Variants in NOX4 observed in about 807,000 individuals in gnomAD.
The protein encoded by NOX4 is NADPH oxidase 4, also known as kidney oxidase-1.
NOX4 carries 69 observed loss-of-function variants against 87.6 expected under a neutral mutation model. That is an observed-to-expected ratio of 0.79 (90% CI 0.65 to 0.96). The LOEUF is 0.96. NOX4 is among the 40% of genes least tolerant of loss of function. The pLI, the probability that NOX4 is intolerant of heterozygous loss-of-function variation, is 0.00. For synonymous variants in NOX4, 275 were observed against 238.2 expected (o/e 1.15, Z -1.42); for missense variants, 680 against 681.5 (o/e 1.00, Z 0.02).
chr11:89,345,570 C>T (rs1437617392), intron 13 of NOX4, among the ~76,000 whole-genome samples: 1 of 152,118 alleles, frequency 6.6e-6, no homozygotes, highest in Non-Finnish European at 1.5e-5. Context: ...GTAATTTTTT[C>T]AATCCCTGCA....
intron 2 of NOX4, among the ~76,000 whole-genome samples, chr11:89,461,866 AAG>A (rs1026465429): frequency 6.6e-6 from 1 of 152,054 alleles, no homozygotes; most frequent in Non-Finnish European, 1.5e-5. Flanking sequence ...CCCATCTGCC[AAG>A]AGAGAACATA....
At chr11:89,377,919 C>T (rs1182739313) in intron 11 of NOX4, among the ~76,000 whole-genome samples, 1 of 152,100 alleles carries the variant, frequency 6.6e-6, no homozygotes, top group African/African-American at 2.4e-5. Context: ...TCTAAAATTA[C>T]TATTATCCTA....
At chr11:89,386,700 T>G (rs532695318) in intron 11 of NOX4, among the ~76,000 whole-genome samples, 65 of 152,244 alleles carry the variant, frequency 4.3e-4, no homozygotes, top group Non-Finnish European at 8.1e-4. Context: ...TATTTTTAAA[T>G]GAAGAGTGTT....
Position 89,350,969 on chromosome 11 carries a change from T to C in NOX4, c.1217+3993A>G, listed in dbSNP as rs532475871. Among the ~76,000 whole-genome samples the C allele has an allele frequency of 2.0e-5, 3 of 152,230 alleles. No individual in the cohort carries two copies. In the South Asian group the frequency reaches 6.2e-4, roughly 32 times the overall value. The stretch of plus-strand genomic sequence containing the variant: ...GCATGTCTCTTACTTCAATCAAAAA[T>C]TGGACACGATTAAACTTAGTGAGGA... On this transcript the variant is annotated intron_variant, in intron 13 of 17. Transcript: ENST00000263317.
At chr11:89,589,363 T>G in the NOX4 span, 1 of 152,314 alleles carries the variant, frequency 6.6e-6, no homozygotes, top group African/African-American at 2.4e-5. Flanking sequence ...GCTGATCCAA[T>G]GATTGTTTTC....
intron 11 of NOX4, among the ~76,000 whole-genome samples, chr11:89,390,322 C>T (rs1415529197): frequency 1.3e-5 from 2 of 152,152 alleles, no homozygotes; most frequent in East Asian, 1.9e-4. Context: ...TACAAATGAG[C>T]GAGCTTGTAA....
intron 8 of NOX4, among the ~76,000 whole-genome samples, chr11:89,413,380 C>T (rs1459578645): frequency 1.3e-5 from 2 of 152,142 alleles, no homozygotes; most frequent in African/African-American, 2.4e-5. Flanking sequence ...CCTGCACTTG[C>T]ATGTTTATTG....
intron 11 of NOX4, among the ~76,000 whole-genome samples, chr11:89,382,370 T>C (rs1278023245): frequency 2.6e-5 from 4 of 152,112 alleles, no homozygotes; most frequent in Non-Finnish European, 5.9e-5. Flanking sequence ...TCGACAATAG[T>C]TCCAAATAGC....
At chr11:89,397,593 A>G (rs1941575430) in intron 11 of NOX4, among the ~76,000 whole-genome samples, 3 of 152,142 alleles carry the variant, frequency 2.0e-5, no homozygotes, top group Admixed American at 2.0e-4. Flanking sequence ...AAGAAAAGAG[A>G]GAAGAATCAA....
intron 2 of NOX4, among the ~76,000 whole-genome samples, chr11:89,459,479 A>T (rs908321128): frequency 6.6e-6 from 1 of 152,320 alleles, no homozygotes; most frequent in Admixed American, 6.5e-5. Flanking sequence ...ATACAAAATC[A>T]ATGTGTAAAA....
chr11:89,582,994 C>T, the NOX4 span, among the ~76,000 whole-genome samples: 1 of 152,176 alleles, frequency 6.6e-6, no homozygotes, highest in Non-Finnish European at 1.5e-5. Context: ...GAATCACATA[C>T]AAGCAACTTC....
chr11:89,358,027 A>G (rs1206500913), intron 12 of NOX4, among the ~76,000 whole-genome samples: 1 of 152,060 alleles, frequency 6.6e-6, no homozygotes, highest in Non-Finnish European at 1.5e-5. Flanking sequence ...AACATCCTTT[A>G]ATCAGATTAT....
At chr11:89,341,906 C>A (rs560681324) in intron 14 of NOX4, among the ~76,000 whole-genome samples, 168 bp downstream of exon 14, 1 of 152,268 alleles carries the variant, frequency 6.6e-6, no homozygotes, top group East Asian at 1.9e-4. Context: ...CAGCCACAGA[C>A]CACATGTTGA....
intron 17 of NOX4, among the ~76,000 whole-genome samples, chr11:89,328,607 A>G (rs1335214634): frequency 6.6e-6 from 1 of 152,132 alleles, no homozygotes; most frequent in Non-Finnish European, 1.5e-5. Flanking sequence ...AAATCAACAA[A>G]AAAGTACCAG....
intron 17 of NOX4, among the ~76,000 whole-genome samples, chr11:89,332,118 T>C (rs1945501120): frequency 6.6e-6 from 1 of 151,776 alleles, no homozygotes; most frequent in Admixed American, 6.6e-5. Context: ...ACTTGCTTTT[T>C]CATGTAGATT....
chr11:89,480,837 A>T (rs1946364330), intron 2 of NOX4, among the ~76,000 whole-genome samples: 1 of 152,086 alleles, frequency 6.6e-6, no homozygotes, highest in Non-Finnish European at 1.5e-5. Context: ...TAGGTAATTT[A>T]TCTTATTTAT....
upstream of NOX4, among the ~76,000 whole-genome samples, chr11:89,500,680 C>G (rs891707933): frequency 2.0e-5 from 3 of 151,998 alleles, no homozygotes; most frequent in African/African-American, 7.2e-5. Flanking sequence ...ATGCTTTAAG[C>G]ATGAATTTAA....
the NOX4 span, among the ~76,000 whole-genome samples, chr11:89,529,669 ACAAT>A: frequency 6.6e-6 from 1 of 152,238 alleles, no homozygotes; most frequent in African/African-American, 2.4e-5. Flanking sequence ...ATATCAACCA[ACAAT>A]CACTTTTAAA....
chr11:89,466,442 AAC>A (rs1228359690), intron 2 of NOX4, among the ~76,000 whole-genome samples: 2 of 152,226 alleles, frequency 1.3e-5, no homozygotes, highest in African/African-American at 4.8e-5. Flanking sequence ...GTGAAAAGTA[AAC>A]ACAGTCTAAA....
Sources: allele counts gnomAD v4.1 joint callset (sites outside exome capture counted in the v4.1 genomes callset), GRCh38; gene constraint gnomAD v4.1.1; transcripts MANE v1.5; gene names NCBI Gene and HGNC (gene_info 2026-07-23, HGNC 2026-07-21).